Variants in DLGAP1 observed in about 807,000 individuals in gnomAD.
The protein encoded by DLGAP1 is disks large-associated protein 1.
Under a neutral mutation model 90.8 loss-of-function variants are expected in DLGAP1, and 11 were observed. That is an observed-to-expected ratio of 0.12 (90% CI 0.08 to 0.20). DLGAP1 has a LOEUF of 0.20. Ranked by LOEUF, DLGAP1 falls within the 10% of genes least tolerant of loss-of-function variation. DLGAP1 has a pLI of 1.00. For missense variants in DLGAP1, 1,050 were observed against 1,333.8 expected (o/e 0.79, Z 3.31); for synonymous variants, 558 against 540.7 (o/e 1.03, Z -0.44).
intron 1 of DLGAP1, among the ~76,000 whole-genome samples, chr18:4,305,595 A>C (rs1232723949): frequency 6.6e-6 from 1 of 152,010 alleles, no homozygotes; most frequent in East Asian, 1.9e-4. Context: ...GTCCACGAAG[A>C]CACGACCTTT....
intron 1 of DLGAP1, among the ~76,000 whole-genome samples, chr18:4,286,916 G>C (rs1321109969): frequency 6.6e-6 from 1 of 152,114 alleles, no homozygotes. Flanking sequence ...TTGGGGGAGT[G>C]AACCACATGG....
At chr18:3,808,888 C>T (rs1268245038) in intron 5 of DLGAP1, among the ~76,000 whole-genome samples, 2 of 152,164 alleles carry the variant, frequency 1.3e-5, no homozygotes, top group East Asian at 3.9e-4. Flanking sequence ...ACGTAGAAAT[C>T]AATGCATTTA....
intron 7 of DLGAP1, among the ~76,000 whole-genome samples, chr18:3,696,839 G>A (rs2061111019): frequency 6.6e-6 from 1 of 152,132 alleles, no homozygotes; most frequent in South Asian, 2.1e-4. Flanking sequence ...GACTGTTTTG[G>A]TTGGTAGGCT....
rs1189558362 is a variant in DLGAP1 at position 3,787,480 on chromosome 18, C to CAA, written c.1172+26577_1172+26578dup. ...TGGGTGACAAAGCGAAACTCCATCT[C>CAA]AAAAAAAAAAAAAAAAAAAAAAAAA... is the stretch of plus-strand genomic sequence containing the variant. On this transcript the variant is annotated intron_variant, in intron 5 of 12. Coordinates refer to ENST00000315677, the MANE Select transcript of DLGAP1 (RefSeq NM_004746.4). Among the ~76,000 whole-genome samples, 31 of 63,804 alleles carry CAA rather than the reference C, an allele frequency of 4.9e-4. 1 individual carries two copies. Among genetic ancestry groups the CAA allele is most frequent in the Middle Eastern group, 0.014 (1 of 72 alleles). The allele number at this position is 63,804 out of a possible 152,430, so 41.9% of individuals were successfully genotyped here.
At chr18:4,421,709 T>G (rs1033747889) in intron 1 of DLGAP1, among the ~76,000 whole-genome samples, 1 of 152,118 alleles carries the variant, frequency 6.6e-6, no homozygotes, top group African/African-American at 2.4e-5. Context: ...TTTTTTAGTT[T>G]TTATTTTTAT....
intron 7 of DLGAP1, among the ~76,000 whole-genome samples, chr18:3,644,401 T>TTTATTTATTTA (rs1555613021): frequency 0.02 from 2,967 of 150,758 alleles, 86 homozygotes; most frequent in African/African-American, 0.063. Flanking sequence ...TACTATTTTA[T>TTTATTTATTTA]TTTATTTATT....
chr18:4,096,064 C>T (rs924452157), intron 2 of DLGAP1, among the ~76,000 whole-genome samples: 1 of 152,112 alleles, frequency 6.6e-6, no homozygotes, highest in African/African-American at 2.4e-5. Flanking sequence ...CTCGCTTTGT[C>T]GGCCAGGCTG....
chr18:3,610,063 A>G (rs1259098637), intron 7 of DLGAP1, among the ~76,000 whole-genome samples: 1 of 151,424 alleles, frequency 6.6e-6, no homozygotes, highest in East Asian at 1.9e-4. Flanking sequence ...TGTCTCAAAA[A>G]TAAAATAAAA....
intron 4 of DLGAP1, among the ~76,000 whole-genome samples, chr18:3,818,126 C>T (rs1297686314): frequency 3.3e-5 from 5 of 152,194 alleles, no homozygotes; most frequent in Non-Finnish European, 4.4e-5. Context: ...GGATTAATTG[C>T]TTTTTAATTA....
intron 7 of DLGAP1, among the ~76,000 whole-genome samples, chr18:3,672,147 G>A (rs1157067383): frequency 6.7e-6 from 1 of 148,600 alleles, no homozygotes; most frequent in South Asian, 2.2e-4. Flanking sequence ...TCTTTTAGAA[G>A]TTTTTTTCAA....
chr18:3,984,862 C>G (rs914134761), intron 3 of DLGAP1, among the ~76,000 whole-genome samples: 1 of 151,986 alleles, frequency 6.6e-6, no homozygotes, highest in African/African-American at 2.4e-5. Context: ...TTCTGAAGGC[C>G]CTGGCATATT....
intron 5 of DLGAP1, among the ~76,000 whole-genome samples, chr18:3,768,734 C>T (rs991391074): frequency 2.6e-5 from 4 of 152,114 alleles, no homozygotes; most frequent in African/African-American, 9.7e-5. Context: ...ATTGGACATC[C>T]ACAGGCAAAA....
chr18:4,385,931 A>G (rs2082221729), intron 1 of DLGAP1, among the ~76,000 whole-genome samples: 1 of 152,174 alleles, frequency 6.6e-6, no homozygotes, highest in African/African-American at 2.4e-5. Flanking sequence ...TTTAGAGGAA[A>G]GCTTATGAAA....
Position 3,849,602 on chromosome 18 carries a change from T to C in DLGAP1, c.957+29510A>G, listed in dbSNP as rs577078642. Among the ~76,000 whole-genome samples, 4 of 152,252 alleles carry C rather than the reference T, an allele frequency of 2.6e-5. No homozygotes were observed. The East Asian group carries it at 7.7e-4, about 29-fold the overall frequency. ...CCAATGAAGAAAGGGACAGCCCTGA[T>C]TGCAGACATTTCACTGCCAGAGAAC... On this transcript the variant is annotated intron_variant, in intron 4 of 12. Transcript: ENST00000315677.
At chr18:3,838,194 G>A (rs2068514498) in intron 4 of DLGAP1, among the ~76,000 whole-genome samples, 1 of 152,168 alleles carries the variant, frequency 6.6e-6, no homozygotes, top group South Asian at 2.1e-4. Flanking sequence ...CACATGCACA[G>A]GGCTTGATCA....
intron 1 of DLGAP1, among the ~76,000 whole-genome samples, chr18:4,166,518 G>T (rs2144550654): frequency 6.6e-6 from 1 of 152,296 alleles, no homozygotes; most frequent in South Asian, 2.1e-4. Flanking sequence ...AAATTAAACA[G>T]AATTATCACA....
intron 1 of DLGAP1, among the ~76,000 whole-genome samples, chr18:4,181,367 T>A (rs1228978464): frequency 6.6e-6 from 1 of 152,180 alleles, no homozygotes; most frequent in East Asian, 1.9e-4. Context: ...TTAAACAGTT[T>A]TTGATAAGAC....
At chr18:4,045,157 T>A (rs1189076407) in intron 2 of DLGAP1, among the ~76,000 whole-genome samples, 1 of 151,996 alleles carries the variant, frequency 6.6e-6, no homozygotes, top group African/African-American at 2.4e-5. Context: ...GCCACTCTCA[T>A]CTCCTACTAA....
intron 2 of DLGAP1, among the ~76,000 whole-genome samples, chr18:4,111,113 A>G (rs1234342268): frequency 6.6e-6 from 1 of 152,010 alleles, no homozygotes; most frequent in Non-Finnish European, 1.5e-5. Flanking sequence ...GTCGGTTTTT[A>G]TCGTGAAGGG....
Sources: gnomAD v4.1 joint callset for allele counts (sites outside exome capture counted in the v4.1 genomes callset) on GRCh38, gnomAD v4.1.1 for gene constraint, MANE v1.5 for transcripts, NCBI Gene and HGNC (gene_info 2026-07-23, HGNC 2026-07-21) for gene names.